Variants in ACSM2B observed in about 807,000 individuals in gnomAD.
ACSM2B encodes the protein acyl-CoA synthetase medium chain family member 2B.
ACSM2B carries 58 observed loss-of-function variants against 78.6 expected under a neutral mutation model. The ratio of observed to expected loss-of-function variants is 0.74; its 90% CI spans 0.60 to 0.92. The LOEUF (loss-of-function observed/expected upper bound fraction) is 0.92, where lower values mean the gene tolerates loss of function less well. ACSM2B is among the 40% of genes least tolerant of loss of function. The pLI is 0.00. For synonymous variants in ACSM2B, 257 were observed against 256.8 expected (o/e 1.00, Z -0.01); for missense variants, 688 against 711.2 (o/e 0.97, Z 0.37).
At chr16:20,555,631 T>A (rs1211205588) in intron 3 of ACSM2B, among the ~76,000 whole-genome samples, 155 bp from the exon 4 acceptor site, 3 of 152,158 alleles carry the variant, frequency 2.0e-5, no homozygotes, top group South Asian at 2.1e-4. Context: ...GACTAAGGAC[T>A]AGGGAGTGAA....
At chr16:20,573,807 G>T (rs1479938374) in intron 1 of ACSM2B, among the ~76,000 whole-genome samples, 1 of 152,014 alleles carries the variant, frequency 6.6e-6, no homozygotes, top group African/African-American at 2.4e-5. Flanking sequence ...AAGAGGAGAG[G>T]GTGTACGAAC....
At chr16:20,545,351 T>C (rs1446849577) in intron 9 of ACSM2B, 93 bp from the exon 10 acceptor site, 35 of 1,452,196 alleles carry the variant, frequency 2.4e-5, no homozygotes, top group Non-Finnish European at 2.9e-5. Flanking sequence ...AATGAAAGAC[T>C]CTCTTGCTCT....
At chr16:20,561,694 TG>T (rs2015659947) in intron 2 of ACSM2B, among the ~76,000 whole-genome samples, 1 of 151,498 alleles carries the variant, frequency 6.6e-6, no homozygotes, top group Non-Finnish European at 1.5e-5. Context: ...CTTTTTTTTT[TG>T]GTTGGATTTG....
At chr16:20,554,173 T>A in intron 4 of ACSM2B, 2 of 644,502 alleles carry the variant, frequency 3.1e-6, no homozygotes, top group Non-Finnish European at 5.6e-6. Context: ...TGTCTCACTT[T>A]ATATCTGCAA....
chr16:20,563,050 A>T (rs2015713461), intron 2 of ACSM2B, among the ~76,000 whole-genome samples: 1 of 152,102 alleles, frequency 6.6e-6, no homozygotes, highest in Non-Finnish European at 1.5e-5. Context: ...CCTCCAAATT[A>T]TCTTTGAAAA....
At chr16:20,562,948 C>A (rs1451002616) in intron 2 of ACSM2B, among the ~76,000 whole-genome samples, 1 of 152,136 alleles carries the variant, frequency 6.6e-6, no homozygotes, top group Non-Finnish European at 1.5e-5. Flanking sequence ...GTCTGCCTCA[C>A]CCAGAAACAA....
At chr16:20,537,973 T>C (rs181376006) in intron 13 of ACSM2B, among the ~76,000 whole-genome samples, 1 of 152,268 alleles carries the variant, frequency 6.6e-6, no homozygotes, top group Admixed American at 6.5e-5. Flanking sequence ...TTTCACTATT[T>C]GCTCTTGTTA....
chr16:20,538,100 G>C lies in ACSM2B; in HGVS notation c.1630-738C>G, dbSNP rs2014892962. 2.6e-5 allele frequency among the ~76,000 whole-genome samples: 4 copies of C among 152,290 alleles called. No homozygotes were observed. The South Asian group carries it at 8.3e-4, about 32-fold the overall frequency. ...GATGTGGCTCAGTTGCCATGGCATT[G>C]ATTTAAGCTTCAGATGGTCTCGAAT... On this transcript the variant is annotated intron_variant, in intron 13 of 13. Transcript: ENST00000329697.
intron 1 of ACSM2B, among the ~76,000 whole-genome samples, chr16:20,569,995 T>C (rs1265246901): frequency 6.6e-6 from 1 of 151,860 alleles, no homozygotes. Flanking sequence ...TACAATCATA[T>C]TAACAGCAAA....
chr16:20,558,679 T>A (rs2152141090), intron 3 of ACSM2B, among the ~76,000 whole-genome samples: 1 of 152,314 alleles, frequency 6.6e-6, no homozygotes, highest in East Asian at 1.9e-4. Context: ...TCAAGTCTCT[T>A]TTTAGAAAAG....
intron 12 of ACSM2B, 31 bp from the exon 13 acceptor site, chr16:20,540,804 G>A: frequency 1.2e-6 from 2 of 1,609,254 alleles, no homozygotes; most frequent in Non-Finnish European, 1.7e-6. Context: ...AAGAGATAAG[G>A]GATTAGAGTG....
In ACSM2B at chr16:20,546,435, G is replaced by C. The variant is rs753982140; in HGVS notation, c.1138C>G (p.Pro380Ala). ...GAAGCAGCCGTTCCCATGTATCCTGGTTTGATTTTCATTGTCTTGGAAACC... is the reference window on the plus strand; with the variant it reads ...GAAGCAGCCGTTCCCATGTATCCTGCTTTGATTTTCATTGTCTTGGAAACC... ...CMVSKTMKIKPGYMGTAASCY... is the reference protein window; with the variant it reads ...CMVSKTMKIKAGYMGTAASCY... Residue 380 changes from proline to alanine, a missense_variant, in exon 9 of 14, where the codon CCA (proline) becomes GCA (alanine). Coordinates refer to ENST00000329697, the MANE Select transcript of ACSM2B (RefSeq NM_001105069.2). 1 of 1,609,436 alleles carries C rather than the reference G, an allele frequency of 6.2e-7. No individual in the cohort carries two copies. Among genetic ancestry groups the C allele is most frequent in the South Asian group, 1.1e-5 (1 of 90,598 alleles).
chr16:20,557,118 T>C (rs1408852383), intron 3 of ACSM2B, among the ~76,000 whole-genome samples: 1 of 152,140 alleles, frequency 6.6e-6, no homozygotes, highest in Non-Finnish European at 1.5e-5. Flanking sequence ...TTCTTTTTGA[T>C]ACCACTGTAC....
intron 5 of ACSM2B, among the ~76,000 whole-genome samples, chr16:20,552,521 C>T (rs933028888): frequency 1.3e-5 from 2 of 152,040 alleles, no homozygotes; most frequent in African/African-American, 4.8e-5. Flanking sequence ...GAAGGTGGGA[C>T]CCCAGTTGAC....
At chr16:20,552,448 T>G in intron 5 of ACSM2B, 151 bp from the exon 6 acceptor site, 1 of 1,216,198 alleles carries the variant, frequency 8.2e-7, no homozygotes, top group Non-Finnish European at 1.1e-6. Context: ...TAAGTATAAG[T>G]AGGAAGGGGG....
At chr16:20,572,991 TA>T (rs1355998190) in intron 1 of ACSM2B, among the ~76,000 whole-genome samples, 1 of 150,352 alleles carries the variant, frequency 6.7e-6, no homozygotes, top group Non-Finnish European at 1.5e-5. Context: ...TTTTTTTCCT[TA>T]AATTGGACTT....
At chr16:20,540,401 C>G (rs2014956641) in intron 13 of ACSM2B, among the ~76,000 whole-genome samples, 1 of 151,930 alleles carries the variant, frequency 6.6e-6, no homozygotes, top group South Asian at 2.1e-4. Flanking sequence ...TGCCACTACA[C>G]CAGGCTAATT....
intron 2 of ACSM2B, 28 bp from the exon 3 acceptor site, chr16:20,559,475 G>T: frequency 3.1e-6 from 5 of 1,610,378 alleles, no homozygotes; most frequent in South Asian, 1.1e-5. Flanking sequence ...CTGTTGATTA[G>T]GGGGCATTGG....
chr16:20,542,655 T>C (rs1434003298), intron 12 of ACSM2B: 1 of 481,354 alleles, frequency 2.1e-6, no homozygotes, highest in Admixed American at 3.6e-5. Context: ...TTCTGTTTAG[T>C]TTTTTGAGAA....
Sources: allele counts gnomAD v4.1 joint callset (sites outside exome capture counted in the v4.1 genomes callset), GRCh38; gene constraint gnomAD v4.1.1; transcripts MANE v1.5; gene names NCBI Gene and HGNC (gene_info 2026-07-23, HGNC 2026-07-21).